SGMS1: variants seen among roughly 807,000 people sequenced by gnomAD.
SGMS1 encodes the protein sphingomyelin synthase 1, also known as phosphatidylcholine:ceramide cholinephosphotransferase 1.
SGMS1 carries 13 observed loss-of-function variants against 46.2 expected under a neutral mutation model. The ratio of observed to expected loss-of-function variants is 0.28; its 90% CI spans 0.18 to 0.45. SGMS1 has a LOEUF of 0.45. Among genes scored for constraint, SGMS1 ranks in the 20% least tolerant of loss-of-function variants. The pLI is 1.00. For missense variants in SGMS1, 324 were observed against 519.9 expected, an observed-to-expected ratio of 0.62 and a Z score of 3.66; for synonymous variants, 203 against 187.8, an observed-to-expected ratio of 1.08 and a Z score of -0.66.
intron 6 of SGMS1, among the ~76,000 whole-genome samples, chr10:50,359,515 G>A (rs946514544): frequency 1.3e-5 from 2 of 152,122 alleles, no homozygotes; most frequent in African/African-American, 4.8e-5. Flanking sequence ...GTTGTTCACT[G>A]AGGATATGAA....
rs750349777 is a variant in SGMS1 at position 50,458,339 on chromosome 10, C to CTTTTTTTTTTTTTTT, written c.-313+2319_-313+2333dup. 1.3e-3 allele frequency among the ~76,000 whole-genome samples: 122 copies of CTTTTTTTTTTTTTTT among 97,148 alleles called. 7 individuals are homozygous for CTTTTTTTTTTTTTTT. Among genetic ancestry groups the CTTTTTTTTTTTTTTT allele is most frequent in the Non-Finnish European group, 1.5e-3 (78 of 52,234 alleles). 63.7% of individuals were successfully genotyped at this position (97,148 alleles called of 152,430 possible). A position where few individuals can be genotyped will look rare whatever the true frequency, so the allele number is the denominator to read the frequency against. ...TCTGGCTCTGCTATTTTCTTTTTCT[C>CTTTTTTTTTTTTTTT]TTTTTTTTTTTTTTTTTTTTTTTTT... On this transcript the variant is annotated intron_variant, in intron 5 of 10. Coordinates refer to ENST00000361781, the MANE Select transcript of SGMS1 (RefSeq NM_147156.4).
At chr10:50,324,810 A>C (rs1237137015) in intron 8 of SGMS1, among the ~76,000 whole-genome samples, 1 of 152,256 alleles carries the variant, frequency 6.6e-6, no homozygotes, top group Admixed American at 6.5e-5. Context: ...TAAATCCAGA[A>C]AGTGGGATAT....
chr10:50,598,939 T>C (rs1838622336), intron 1 of SGMS1, among the ~76,000 whole-genome samples: 2 of 152,092 alleles, frequency 1.3e-5, no homozygotes, highest in African/African-American at 2.4e-5. Context: ...TCTGCACAAA[T>C]ATCACCAGAG....
chr10:50,414,616 G>GCTGTT (rs1408192990), intron 6 of SGMS1, among the ~76,000 whole-genome samples: 1 of 152,146 alleles, frequency 6.6e-6, no homozygotes, highest in Non-Finnish European at 1.5e-5. Flanking sequence ...CTCTAAGGTA[G>GCTGTT]GTATTATTAC....
intron 5 of SGMS1, among the ~76,000 whole-genome samples, chr10:50,442,847 G>A (rs992124758): frequency 6.6e-6 from 1 of 152,160 alleles, no homozygotes; most frequent in Admixed American, 6.5e-5. Context: ...TTCTTTAACT[G>A]TGCAGAAGCT....
chr10:50,308,252 C>T (rs931652584), intron 9 of SGMS1, 104 bp from the exon 10 acceptor site: 2 of 1,028,454 alleles, frequency 1.9e-6, no homozygotes, highest in Non-Finnish European at 2.8e-6. Flanking sequence ...CTTGAGTCTT[C>T]CCTTCTGAAA....
At position 50,490,011 on chromosome 10, in the gene SGMS1, AG is replaced by A. The variant is rs1837554781; in HGVS notation, c.-497-23080del. ...TAAAAAATAAAAATAAAAACGGCTT[AG>A]TCAAATACATTTGCCTGAAGCAAAC... On this transcript the variant is annotated intron_variant, in intron 3 of 10. Coordinates refer to ENST00000361781, the MANE Select transcript of SGMS1 (RefSeq NM_147156.4). 2.6e-5 allele frequency among the ~76,000 whole-genome samples: 4 copies of A among 152,162 alleles called. No individual in the cohort carries two copies. The South Asian group carries it at 8.3e-4, about 31-fold the overall frequency.
intron 6 of SGMS1, among the ~76,000 whole-genome samples, chr10:50,352,135 C>T (rs928529021): frequency 2.0e-5 from 3 of 152,058 alleles, no homozygotes; most frequent in African/African-American, 4.8e-5. Flanking sequence ...GCAACTGATG[C>T]TGAAATTGTG....
chr10:50,317,251 C>G (rs1189795969), intron 8 of SGMS1, among the ~76,000 whole-genome samples: 1 of 152,320 alleles, frequency 6.6e-6, no homozygotes, highest in South Asian at 2.1e-4. Context: ...CTGCCTCTTA[C>G]AATTTCTCCG....
intron 6 of SGMS1, among the ~76,000 whole-genome samples, chr10:50,409,874 A>G (rs1287404000): frequency 1.3e-5 from 2 of 152,204 alleles, no homozygotes; most frequent in East Asian, 3.8e-4. Context: ...CTAAGAAACT[A>G]TATACAGCCT....
upstream of SGMS1, chr10:50,624,996 G>T: frequency 4.9e-6 from 5 of 1,023,476 alleles, no homozygotes; most frequent in Non-Finnish European, 5.9e-6. Flanking sequence ...AACCGACCTG[G>T]GAGCTGGCGG....
At chr10:50,310,096 T>A (rs777249056) in intron 9 of SGMS1, among the ~76,000 whole-genome samples, 10 of 152,044 alleles carry the variant, frequency 6.6e-5, no homozygotes, top group Non-Finnish European at 1.2e-4. Flanking sequence ...CAGCTGAGAG[T>A]TCAGACCCTC....
At chr10:50,608,774 GA>G (rs1165449347) in intron 1 of SGMS1, among the ~76,000 whole-genome samples, 1 of 152,102 alleles carries the variant, frequency 6.6e-6, no homozygotes, top group Admixed American at 6.5e-5. Flanking sequence ...GACTTCCTAT[GA>G]ATACAATCAC....
chr10:50,379,123 T>C lies in SGMS1; in HGVS notation c.-231-34778A>G, dbSNP rs11005413. ...AACCTTTATGACAGTCATAGGGCAA[T>C]GTGACATTATTTACCAAAATGTATA... On this transcript the variant is annotated intron_variant, in intron 6 of 10. Coordinates refer to ENST00000361781, the MANE Select transcript of SGMS1 (RefSeq NM_147156.4). Among the ~76,000 whole-genome samples the C allele has an allele frequency of 4.5e-3, 690 of 152,286 alleles. 6 individuals are homozygous for C. Among genetic ancestry groups the C allele is most frequent in the African/African-American group, 0.016 (655 of 41,556 alleles).
At chr10:50,461,794 AT>A (rs1212082333) in intron 4 of SGMS1, among the ~76,000 whole-genome samples, 1 of 152,110 alleles carries the variant, frequency 6.6e-6, no homozygotes, top group African/African-American at 2.4e-5. Context: ...GAACAAAACA[AT>A]CCACTACTCT....
At chr10:50,542,972 T>C (rs1838068906) in intron 2 of SGMS1, among the ~76,000 whole-genome samples, 1 of 152,098 alleles carries the variant, frequency 6.6e-6, no homozygotes, top group East Asian at 1.9e-4. Flanking sequence ...GACTTGGACC[T>C]GCTTCCTTCA....
At chr10:50,338,825 C>T (rs1485853122) in intron 7 of SGMS1, among the ~76,000 whole-genome samples, 4 of 151,878 alleles carry the variant, frequency 2.6e-5, no homozygotes, top group South Asian at 2.1e-4. Flanking sequence ...CTGCAACCTC[C>T]GCCTCCTGGG....
chr10:50,310,552 T>C (rs2688885), intron 9 of SGMS1, among the ~76,000 whole-genome samples: 10,342 of 151,812 alleles, frequency 0.068, 1,145 homozygotes, highest in African/African-American at 0.23. Flanking sequence ...AAAACAATAA[T>C]ACACAAGTCC....
chr10:50,469,357 T>C (rs759137335), intron 3 of SGMS1, among the ~76,000 whole-genome samples: 3 of 152,174 alleles, frequency 2.0e-5, no homozygotes, highest in Non-Finnish European at 4.4e-5. Flanking sequence ...GGGACTCTTT[T>C]TAGGATAGCT....
Sources: allele counts gnomAD v4.1 joint callset (sites outside exome capture counted in the v4.1 genomes callset), GRCh38; gene constraint gnomAD v4.1.1; transcripts MANE v1.5; gene names NCBI Gene and HGNC (gene_info 2026-07-23, HGNC 2026-07-21).